MIAT: variants seen among roughly 807,000 people sequenced by gnomAD.
MIAT encodes MI related novel mRNA.
intron 2 of MIAT, chr22:26,657,333 C>T (rs1157933211): frequency 7.6e-6 from 3 of 394,898 alleles, no homozygotes; most frequent in Non-Finnish European, 1.3e-5. Context: ...CCCCGCTTTC[C>T]TGGCCAGGAC....
exon 4 of MIAT, chr22:26,666,866 C>A: frequency 2.5e-6 from 1 of 399,716 alleles, no homozygotes; most frequent in Non-Finnish European, 4.4e-6. Context: ...CCAGGATGGG[C>A]CTGTGGGGTC....
downstream of MIAT, chr22:26,672,950 C>T (rs1030013969): frequency 1.8e-5 from 7 of 398,518 alleles, no homozygotes; most frequent in African/African-American, 2.1e-5. Flanking sequence ...AGAGCCGTCT[C>T]CCCTCTCTGG....
exon 4 of MIAT, chr22:26,665,712 G>T (rs1255227587): frequency 1.0e-5 from 4 of 398,532 alleles, no homozygotes; most frequent in Non-Finnish European, 1.8e-5. Context: ...GCCAAAGTGG[G>T]AGGGGAAATG....
At chr22:26,666,371 G>A (rs1930844048) in exon 4 of MIAT, 2 of 398,578 alleles carry the variant, frequency 5.0e-6, no homozygotes, top group Admixed American at 4.4e-5. Context: ...AAAGGGCAGG[G>A]GAGAAGGAGG....
chr22:26,650,721 A>C (rs4822761), intron 2 of MIAT, among the ~76,000 whole-genome samples: 62,034 of 152,090 alleles, frequency 0.41, 12,781 homozygotes, highest in South Asian at 0.47. Context: ...GGAGTGACCC[A>C]AGCATGGCAG....
At chr22:26,670,372 C>T (rs1930999657), downstream of MIAT, 1 of 398,298 alleles carries the variant, frequency 2.5e-6, no homozygotes, top group Non-Finnish European at 4.4e-6. Context: ...AACCAGCTCA[C>T]ATGGAGAATC....
intron 2 of MIAT, among the ~76,000 whole-genome samples, chr22:26,655,655 A>G (rs185221452): frequency 6.6e-6 from 1 of 152,356 alleles, no homozygotes; most frequent in African/African-American, 2.4e-5. Context: ...AGGCATGGGC[A>G]GAACTGAAAT....
At chr22:26,653,889 G>A (rs935741354) in intron 2 of MIAT, among the ~76,000 whole-genome samples, 2 of 152,076 alleles carry the variant, frequency 1.3e-5, no homozygotes, top group Admixed American at 6.6e-5. Context: ...ACAGGTGCAC[G>A]CTACCATGCC....
exon 5 of MIAT, chr22:26,675,575 A>G (rs1380785821): frequency 2.5e-6 from 1 of 398,658 alleles, no homozygotes; most frequent in Non-Finnish European, 4.4e-6. Flanking sequence ...GAATCCATAC[A>G]TGTCTACCCC....
intron 2 of MIAT, among the ~76,000 whole-genome samples, chr22:26,662,247 C>T (rs1359977916): frequency 6.6e-6 from 1 of 152,196 alleles, no homozygotes; most frequent in East Asian, 1.9e-4. Flanking sequence ...TGAGCCACTG[C>T]GCCCAGTCCC....
chr22:26,656,836 G>C (rs1930471560), intron 2 of MIAT, among the ~76,000 whole-genome samples: 1 of 149,548 alleles, frequency 6.7e-6, no homozygotes, highest in Non-Finnish European at 1.5e-5. Context: ...GAACCCAGGA[G>C]TTCGGGGGGG....
chr22:26,665,850 A>G (rs1194095009), exon 4 of MIAT: 1 of 398,624 alleles, frequency 2.5e-6, no homozygotes, highest in Non-Finnish European at 4.4e-6. Context: ...TTTCACAAAC[A>G]TTACCGTCTG....
At chr22:26,667,685 T>C in intron 5 of MIAT, 1 of 179,592 alleles carries the variant, frequency 5.6e-6, no homozygotes, top group South Asian at 2.0e-4. Context: ...AACTTTTTTT[T>C]CCTTTTTCTC....
intron 2 of MIAT, chr22:26,657,291 G>A (rs1036309726): frequency 1.0e-5 from 4 of 389,348 alleles, no homozygotes; most frequent in Middle Eastern, 6.4e-4. Context: ...TGCGGCGGGG[G>A]CTGCGGAGTG....
intron 2 of MIAT, chr22:26,657,248 G>A (rs1930492034): frequency 2.8e-6 from 1 of 357,314 alleles, no homozygotes; most frequent in Non-Finnish European, 5.0e-6. Context: ...GGGGATGCGG[G>A]AGGCTGAGCG....
intron 2 of MIAT, among the ~76,000 whole-genome samples, chr22:26,649,595 G>C (rs558587100): frequency 6.6e-6 from 1 of 152,294 alleles, no homozygotes; most frequent in African/African-American, 2.4e-5. Flanking sequence ...GATGTCCAGG[G>C]ATCATCCTTC....
At chr22:26,676,118 T>G (rs1267903959) in exon 5 of MIAT, 1 of 398,178 alleles carries the variant, frequency 2.5e-6, no homozygotes, top group Non-Finnish European at 4.4e-6. Flanking sequence ...TATAATCCTT[T>G]CTTAATAGGT....
At chr22:26,648,554 GT>G (rs770401693) in intron 2 of MIAT, among the ~76,000 whole-genome samples, 63 of 101,206 alleles carry the variant, frequency 6.2e-4, no homozygotes, top group Middle Eastern at 4.7e-3. Flanking sequence ...GTTTGATGGG[GT>G]TTTGTTTTTT....
chr22:26,646,883 G>C, exon 1 of MIAT: 1 of 398,668 alleles, frequency 2.5e-6, no homozygotes, highest in South Asian at 1.3e-4. Flanking sequence ...ATAGAGACAG[G>C]TAGATAGGAT....
Sources: allele counts gnomAD v4.1 joint callset (sites outside exome capture counted in the v4.1 genomes callset), GRCh38; gene constraint gnomAD v4.1.1; transcripts MANE v1.5; gene names NCBI Gene and HGNC (gene_info 2026-07-23, HGNC 2026-07-21).